The following MAF variants were observed in gnomAD, a reference collection of about 807,000 sequenced individuals.
MAF encodes the protein MAF bZIP transcription factor, also known as transcription factor Maf.
In MAF, 10 loss-of-function variants were observed where a neutral mutation model predicts 22.0. The ratio of observed to expected loss-of-function variants is 0.45; its 90% confidence interval spans 0.28 to 0.77. The LOEUF (loss-of-function observed/expected upper bound fraction) is 0.77, where lower values mean the gene tolerates loss of function less well. Among genes scored for constraint, MAF ranks in the 30% least tolerant of loss-of-function variants. MAF has a pLI of 0.12. For missense variants in MAF, 544 were observed against 548.4 expected (o/e 0.99, Z 0.08); for synonymous variants, 337 against 255.8 (o/e 1.32, Z -3.03).
the MAF span, among the ~76,000 whole-genome samples, chr16:79,398,701 C>CT: frequency 1.6e-5 from 1 of 61,886 alleles, no homozygotes; most frequent in African/African-American, 4.3e-5. Flanking sequence ...TTGGACTTGA[C>CT]CTCCCCATCC....
the MAF span, among the ~76,000 whole-genome samples, chr16:79,246,554 G>A: frequency 1.7e-5 from 2 of 119,538 alleles, no homozygotes; most frequent in Admixed American, 8.4e-5. Flanking sequence ...GGGGGTGTGG[G>A]GGTGTATTTA....
the MAF span, among the ~76,000 whole-genome samples, chr16:79,493,933 A>G: frequency 2.0e-5 from 3 of 150,944 alleles, no homozygotes; most frequent in African/African-American, 7.3e-5. Context: ...CTTGAGGGCT[A>G]CAATCCCAGG....
the MAF span, among the ~76,000 whole-genome samples, chr16:79,210,142 C>T: frequency 9.3e-4 from 141 of 152,286 alleles, 2 homozygotes; most frequent in African/African-American, 2.5e-3. Flanking sequence ...GTCCACACCC[C>T]GCCCAGAGTC....
chr16:79,510,575 C>T, the MAF span, among the ~76,000 whole-genome samples: 4 of 152,054 alleles, frequency 2.6e-5, no homozygotes, highest in African/African-American at 4.8e-5. Flanking sequence ...AAGGCAGTTG[C>T]TCATCAAAGG....
the MAF span, chr16:79,229,399 T>TC: frequency 2.0e-5 from 3 of 151,964 alleles, no homozygotes; most frequent in Non-Finnish European, 2.9e-5. Context: ...TAAAGAGCTT[T>TC]CCCTGTTAGC....
At chr16:79,393,701 T>C in the MAF span, among the ~76,000 whole-genome samples, 1 of 152,156 alleles carries the variant, frequency 6.6e-6, no homozygotes, top group Non-Finnish European at 1.5e-5. Flanking sequence ...ACCTGGGACA[T>C]CGATGCTTGG....
At chr16:79,580,599 G>C in the MAF span, among the ~76,000 whole-genome samples, 1 of 152,234 alleles carries the variant, frequency 6.6e-6, no homozygotes, top group African/African-American at 2.4e-5. Context: ...TGCTTGGAGG[G>C]AGAACAGCTG....
At chr16:79,228,777 T>C in the MAF span, among the ~76,000 whole-genome samples, 1 of 151,622 alleles carries the variant, frequency 6.6e-6, no homozygotes, top group East Asian at 1.9e-4. Flanking sequence ...ACGAATATAA[T>C]GGTGGTGGGG....
At chr16:79,502,714 T>TATATATATATATAAATATAA in the MAF span, among the ~76,000 whole-genome samples, 3 of 13,008 alleles carry the variant, frequency 2.3e-4, no homozygotes, top group Admixed American at 1.1e-3. Context: ...TATAAATATA[T>TATATATATATATAAATATAA]ATATATATAT....
the MAF span, among the ~76,000 whole-genome samples, chr16:79,241,580 A>G: frequency 6.6e-6 from 1 of 152,120 alleles, no homozygotes. Flanking sequence ...GTGTACCTGA[A>G]AGTGACGGGG....
the MAF span, among the ~76,000 whole-genome samples, chr16:79,546,789 G>T: frequency 1.3e-5 from 2 of 152,086 alleles, no homozygotes; most frequent in Non-Finnish European, 2.9e-5. Context: ...AAGAGAAAAG[G>T]CACATAAAGA....
At chr16:79,536,219 T>C in the MAF span, among the ~76,000 whole-genome samples, 2 of 152,210 alleles carry the variant, frequency 1.3e-5, no homozygotes, top group African/African-American at 4.8e-5. Context: ...TCCATGAAAT[T>C]TTAGAACATG....
the MAF span, among the ~76,000 whole-genome samples, chr16:79,349,662 A>G: frequency 6.6e-6 from 1 of 152,102 alleles, no homozygotes; most frequent in Non-Finnish European, 1.5e-5. Context: ...CCCTTCACAC[A>G]TGCTGGGACT....
At chr16:79,343,467 G>A in the MAF span, among the ~76,000 whole-genome samples, 29 of 152,200 alleles carry the variant, frequency 1.9e-4, no homozygotes, top group African/African-American at 6.3e-4. Flanking sequence ...AGTGTTCCAC[G>A]GAGTCCACAA....
the MAF span, among the ~76,000 whole-genome samples, chr16:79,484,329 A>C: frequency 6.6e-6 from 1 of 152,150 alleles, no homozygotes; most frequent in South Asian, 2.1e-4. Context: ...GATTTCGTTG[A>C]CCACTACCTC....
the MAF span, among the ~76,000 whole-genome samples, chr16:79,385,013 A>G: frequency 6.6e-6 from 1 of 152,220 alleles, no homozygotes; most frequent in Admixed American, 6.5e-5. Context: ...CCTTGGAGAC[A>G]GGATCAGGAA....
the MAF span, among the ~76,000 whole-genome samples, chr16:79,267,779 C>A: frequency 4.6e-5 from 7 of 152,198 alleles, no homozygotes; most frequent in East Asian, 5.8e-4. Context: ...CGTACATGTG[C>A]CCAGTAGATG....
At chr16:79,281,788 G>A in the MAF span, among the ~76,000 whole-genome samples, 2 of 151,916 alleles carry the variant, frequency 1.3e-5, no homozygotes, top group African/African-American at 2.4e-5. Context: ...CTTGTGATCT[G>A]CCTGCCTCAG....
chr16:79,526,949 G>A, the MAF span, among the ~76,000 whole-genome samples: 2 of 152,182 alleles, frequency 1.3e-5, no homozygotes, highest in East Asian at 1.9e-4. Flanking sequence ...TGATTTGATT[G>A]TAAAGTTATA....
Sources: gnomAD v4.1 joint callset for allele counts (sites outside exome capture counted in the v4.1 genomes callset) on GRCh38, gnomAD v4.1.1 for gene constraint, MANE v1.5 for transcripts, NCBI Gene and HGNC (gene_info 2026-07-23, HGNC 2026-07-21) for gene names.